The following LPP variants were observed in gnomAD, a reference collection of about 807,000 sequenced individuals.
The protein encoded by LPP is lipoma-preferred partner.
Under a neutral mutation model 60.4 loss-of-function variants are expected in LPP, and 38 were observed. That is an observed-to-expected ratio of 0.63 (90% CI 0.49 to 0.83). LPP has a LOEUF of 0.83. LPP is among the 40% of genes least tolerant of loss of function. The probability of loss-of-function intolerance (pLI) is 0.00; values close to 1 mark genes in which losing one functional copy is unlikely to be tolerated. For synonymous variants in LPP, 328 were observed against 290.8 expected (o/e 1.13, Z -1.30); for missense variants, 902 against 783.6 (o/e 1.15, Z -1.80).
chr3:188,596,806 A>G (rs11718758), intron 6 of LPP, among the ~76,000 whole-genome samples: 43,636 of 152,004 alleles, frequency 0.29, 6,678 homozygotes, highest in Non-Finnish European at 0.33. Context: ...AAATTTTTTT[A>G]GAAATATGTG....
At chr3:188,163,971 T>C (rs912114964) in intron 1 of LPP, among the ~76,000 whole-genome samples, 2 of 148,852 alleles carry the variant, frequency 1.3e-5, no homozygotes, top group African/African-American at 4.9e-5. Flanking sequence ...AAAAAAAGTC[T>C]GCTGAATAAA....
At chr3:188,296,349 G>A (rs527844136) in intron 2 of LPP, among the ~76,000 whole-genome samples, 27 of 152,298 alleles carry the variant, frequency 1.8e-4, no homozygotes, top group Admixed American at 1.4e-3. Context: ...AATCCCAGAG[G>A]TTGGCCCCGT....
chr3:188,644,803 C>T (rs1328356283), intron 7 of LPP, among the ~76,000 whole-genome samples: 1 of 152,126 alleles, frequency 6.6e-6, no homozygotes, highest in Non-Finnish European at 1.5e-5. Flanking sequence ...TTCTTCCAAA[C>T]CTGGTATTTG....
chr3:188,178,582 G>A (rs1723799976), intron 1 of LPP: 1 of 152,200 alleles, frequency 6.6e-6, no homozygotes, highest in Admixed American at 6.5e-5. Flanking sequence ...TTACCTTTAT[G>A]GTTCTCTTAA....
chr3:188,696,957 G>A (rs139753595), intron 7 of LPP, among the ~76,000 whole-genome samples: 28 of 152,226 alleles, frequency 1.8e-4, no homozygotes, highest in Middle Eastern at 6.8e-3. Flanking sequence ...TACACTGCTC[G>A]TGTACTCTAG....
intron 9 of LPP, among the ~76,000 whole-genome samples, chr3:188,794,892 C>T (rs1314646581): frequency 6.6e-6 from 1 of 152,150 alleles, no homozygotes; most frequent in East Asian, 1.9e-4. Context: ...AATCCCAGCA[C>T]TTTGGGATGC....
At chr3:188,368,423 T>C (rs1213734518) in intron 3 of LPP, among the ~76,000 whole-genome samples, 1 of 152,000 alleles carries the variant, frequency 6.6e-6, no homozygotes, top group Admixed American at 6.6e-5. Context: ...ATATTAGCTT[T>C]TCGTTAAGCT....
chr3:188,412,910 G>A (rs1785225992), intron 4 of LPP, among the ~76,000 whole-genome samples: 1 of 152,128 alleles, frequency 6.6e-6, no homozygotes, highest in Non-Finnish European at 1.5e-5. Context: ...ATAGATGATT[G>A]CTAATCTACC....
At chr3:188,644,424 G>A (rs1329656600) in intron 7 of LPP, among the ~76,000 whole-genome samples, 1 of 152,162 alleles carries the variant, frequency 6.6e-6, no homozygotes, top group African/African-American at 2.4e-5. Context: ...AGAACCTTGT[G>A]ACTCTGAGCA....
intron 3 of LPP, among the ~76,000 whole-genome samples, chr3:188,366,478 A>G (rs1009299715): frequency 2.0e-5 from 3 of 152,100 alleles, no homozygotes; most frequent in Non-Finnish European, 2.9e-5. Flanking sequence ...TGTACAGGTC[A>G]TGTTAAGCTG....
intron 1 of LPP, among the ~76,000 whole-genome samples, chr3:188,167,814 C>T (rs1393104112): frequency 6.6e-6 from 1 of 152,190 alleles, no homozygotes; most frequent in Admixed American, 6.5e-5. Context: ...AGACTATTGA[C>T]TTGCACAGTC....
chr3:188,814,546 G>A (rs554450262), intron 9 of LPP, among the ~76,000 whole-genome samples: 3 of 152,208 alleles, frequency 2.0e-5, no homozygotes, highest in Non-Finnish European at 4.4e-5. Flanking sequence ...TGAATTCCAT[G>A]TACTTTTTTT....
chr3:188,602,176 T>TAATATATATATAATATA (rs1491164275), intron 6 of LPP, among the ~76,000 whole-genome samples: 1 of 99,480 alleles, frequency 1.0e-5, no homozygotes, highest in African/African-American at 3.3e-5. Context: ...TATATATATA[T>TAATATATATATAATATA]TATATATATA....
intron 2 of LPP, among the ~76,000 whole-genome samples, chr3:188,229,257 G>A (rs899408325): frequency 4.6e-5 from 7 of 152,284 alleles, no homozygotes; most frequent in African/African-American, 1.7e-4. Flanking sequence ...TAGCCCATTT[G>A]GCTTCTTACT....
chr3:188,615,930 GTTGT>G (rs1207300770), intron 7 of LPP, among the ~76,000 whole-genome samples: 1 of 152,020 alleles, frequency 6.6e-6, no homozygotes, highest in Non-Finnish European at 1.5e-5. Context: ...TTTTGATGAG[GTTGT>G]TTGTTTTTCT....
In LPP at chr3:188,347,798, A is replaced by T. The variant is rs532425671; in HGVS notation, c.-10+6079A>T. Among the ~76,000 whole-genome samples, 226 of 152,314 alleles carry T rather than the reference A, an allele frequency of 1.5e-3. 1 individual carries two copies. The highest frequency in any genetic ancestry group is 3.4e-3 in the Middle Eastern group (1 of 294). On this transcript the variant is annotated intron_variant, in intron 3 of 11. Transcript: ENST00000617246. ...GCCAGAAGAGTGAAAGGCAGGTCAGAGATGGAAGACGCCTCGGAGTTTCTC... is the reference window on the plus strand; with the variant it reads ...GCCAGAAGAGTGAAAGGCAGGTCAGTGATGGAAGACGCCTCGGAGTTTCTC...
chr3:188,717,093 C>T (rs1023156821), intron 8 of LPP, among the ~76,000 whole-genome samples: 1 of 152,136 alleles, frequency 6.6e-6, no homozygotes, highest in Non-Finnish European at 1.5e-5. Flanking sequence ...TAAGGGACTC[C>T]CCACTCCCCA....
chr3:188,577,618 T>C (rs1352134269), intron 6 of LPP, among the ~76,000 whole-genome samples: 1 of 151,754 alleles, frequency 6.6e-6, no homozygotes, highest in Non-Finnish European at 1.5e-5. Flanking sequence ...ATACATATGT[T>C]TTGCAAGTAA....
chr3:188,514,649 C>G (rs1220344616), intron 5 of LPP, among the ~76,000 whole-genome samples: 2 of 152,094 alleles, frequency 1.3e-5, no homozygotes, highest in Non-Finnish European at 2.9e-5. Flanking sequence ...GCCATGTTGG[C>G]CAGGCTGGTC....
Sources: gnomAD v4.1 joint callset for allele counts (sites outside exome capture counted in the v4.1 genomes callset) on GRCh38, gnomAD v4.1.1 for gene constraint, MANE v1.5 for transcripts, NCBI Gene and HGNC (gene_info 2026-07-23, HGNC 2026-07-21) for gene names.